The following PCDHGA10 variants were observed in gnomAD, a reference collection of about 807,000 sequenced individuals.
PCDHGA10 encodes protocadherin gamma-A10.
Under a neutral mutation model 59.5 loss-of-function variants are expected in PCDHGA10, and 42 were observed. The observed-to-expected ratio is 0.71, with a 90% confidence interval of 0.55 to 0.91. The LOEUF is 0.91. Ranked by LOEUF, PCDHGA10 falls within the 40% of genes least tolerant of loss-of-function variation. The pLI, the probability that PCDHGA10 is intolerant of heterozygous loss-of-function variation, is 0.00. For missense variants in PCDHGA10, 1,111 were observed against 1,198.2 expected, an observed-to-expected ratio of 0.93 and a Z score of 1.07; for synonymous variants, 511 against 517.2, an observed-to-expected ratio of 0.99 and a Z score of 0.16.
intron 1 of PCDHGA10, among the ~76,000 whole-genome samples, chr5:141,447,493 T>A (rs538320272): frequency 3.3e-5 from 5 of 152,186 alleles, no homozygotes; most frequent in East Asian, 1.9e-4. Flanking sequence ...AGAAGGAATG[T>A]TTAGGATAAA....
intron 1 of PCDHGA10, among the ~76,000 whole-genome samples, chr5:141,446,430 T>A (rs1468987045): frequency 6.6e-6 from 1 of 152,058 alleles, no homozygotes; most frequent in Non-Finnish European, 1.5e-5. Flanking sequence ...ATTTGAAGGA[T>A]CTGAGAAACA....
At position 141,489,786 on chromosome 5, in the gene PCDHGA10, G is replaced by A. The variant is rs758119518; in HGVS notation, c.2437-5021G>A. 8.7e-6 allele frequency: 14 copies of A among 1,614,194 alleles called. No individual in the cohort carries two copies. Among genetic ancestry groups the A allele is most frequent in the Non-Finnish European group, 1.2e-5 (14 of 1,180,014 alleles). ...CCAACAGCCACTTCTCTCTGAATGTGAAGACCCTAAAAGATGGGAAGCCAT... is the reference window on the plus strand; with the variant it reads ...CCAACAGCCACTTCTCTCTGAATGTAAAGACCCTAAAAGATGGGAAGCCAT... On this transcript the variant is annotated intron_variant, in intron 1 of 3. Transcript: ENST00000398610. This position sits in a 1 kb window ranked among gnomAD's most constrained non-coding sequence, Gnocchi z 4.5.
chr5:141,499,635 A>C (rs578081078), intron 2 of PCDHGA10, among the ~76,000 whole-genome samples: 16 of 152,136 alleles, frequency 1.1e-4, no homozygotes, highest in African/African-American at 3.6e-4. Context: ...CTTTTGAAGC[A>C]AATCTCAGAC....
intron 1 of PCDHGA10, chr5:141,421,236 TCGGCTACAG>T (rs761399164): frequency 3.8e-5 from 60 of 1,594,916 alleles, no homozygotes; most frequent in Non-Finnish European, 5.1e-5. Flanking sequence ...CCATGGCGAA[TCGGCTACAG>T]CGCGGGGACC....
At chr5:141,427,984 C>G (rs754620535) in intron 1 of PCDHGA10, 2 of 1,597,494 alleles carry the variant, frequency 1.3e-6, no homozygotes, top group South Asian at 2.2e-5. Flanking sequence ...GCGCTGGGGC[C>G]CGATGGCTCC....
chr5:141,494,198 C>T (rs1383940298), intron 1 of PCDHGA10, among the ~76,000 whole-genome samples: 8 of 152,158 alleles, frequency 5.3e-5, no homozygotes, highest in African/African-American at 1.7e-4. Context: ...TTGGATGCCC[C>T]GCAAAGGCCC....
At chr5:141,430,907 A>G (rs776543955) in intron 1 of PCDHGA10, 1 of 1,606,916 alleles carries the variant, frequency 6.2e-7, no homozygotes, top group Non-Finnish European at 8.5e-7. Flanking sequence ...CGACATCTCC[A>G]GGGACCTGGG....
In PCDHGA10 at chr5:141,423,562, A is replaced by G. The variant is rs374427537; in HGVS notation, c.2436+7951A>G. On this transcript the variant is annotated intron_variant, in intron 1 of 3. Coordinates refer to ENST00000398610, the MANE Select transcript of PCDHGA10 (RefSeq NM_018913.3). ...TTTCCCCCAGCCCAACTATGGGGAC[A>G]CGCTCATCAGCCAGGAGAGCTGTGA... is the stretch of plus-strand genomic sequence containing the variant. 7 of 1,613,498 alleles carry G rather than the reference A, an allele frequency of 4.3e-6. No homozygotes were observed. The African/African-American group carries it at 8.0e-5, about 18-fold the overall frequency.
intron 1 of PCDHGA10, chr5:141,417,121 G>C (rs2096086482): frequency 6.6e-6 from 1 of 152,110 alleles, no homozygotes; most frequent in Non-Finnish European, 1.5e-5. Context: ...GGACACCCTG[G>C]ATGATGGTAA....
At chr5:141,478,500 T>C (rs754881921) in intron 1 of PCDHGA10, 16 of 1,612,740 alleles carry the variant, frequency 9.9e-6, no homozygotes, top group Non-Finnish European at 1.4e-5. Context: ...TGTGATCCGG[T>C]GTTCTATAGG....
At chr5:141,461,185 C>T (rs2154567265) in intron 1 of PCDHGA10, among the ~76,000 whole-genome samples, 1 of 152,134 alleles carries the variant, frequency 6.6e-6, no homozygotes, top group East Asian at 1.9e-4. Context: ...AATGGTAGAT[C>T]TGTTTTTTGC....
intron 1 of PCDHGA10, among the ~76,000 whole-genome samples, chr5:141,482,988 G>A (rs982148755): frequency 2.6e-5 from 4 of 152,112 alleles, no homozygotes; most frequent in South Asian, 2.1e-4. Context: ...GAGAGGTCGA[G>A]GCAGGAGAAT....
In PCDHGA10 at chr5:141,489,456, G is replaced by A. The variant is rs1468723020; in HGVS notation, c.2437-5351G>A. The A allele has an allele frequency of 1.2e-6, 2 of 1,614,050 alleles. No homozygotes were observed. Among genetic ancestry groups the A allele is most frequent in the Non-Finnish European group, 1.7e-6 (2 of 1,180,016 alleles). ...TGCAATTGGGCTCTGAGGAGAATGG[G>A]CGCTATTTTTCCCTGAGCTTGATGA... On this transcript the variant is annotated intron_variant, in intron 1 of 3. Transcript: ENST00000398610. This position sits in a 1 kb window ranked among gnomAD's most constrained non-coding sequence, Gnocchi z 4.5.
In PCDHGA10 at chr5:141,432,039, G is replaced by A; in HGVS notation, c.2436+16428G>A. 1 of 1,614,176 alleles carries A rather than the reference G, an allele frequency of 6.2e-7. No individual in the cohort carries two copies. The highest frequency in any genetic ancestry group is 8.5e-7 in the Non-Finnish European group (1 of 1,180,028). ...AACATCACAGTGACCGCCACTGACC[G>A]GGGAACCCCGCCCCTATCCACGGAA... On this transcript the variant is annotated intron_variant, in intron 1 of 3. Coordinates refer to ENST00000398610, the MANE Select transcript of PCDHGA10 (RefSeq NM_018913.3). This position sits in a 1 kb window ranked among gnomAD's most constrained non-coding sequence, Gnocchi z 6.0.
At chr5:141,488,705 G>C (rs1024064135) in intron 1 of PCDHGA10, among the ~76,000 whole-genome samples, 8 of 152,200 alleles carry the variant, frequency 5.3e-5, no homozygotes, top group Non-Finnish European at 1.2e-4. Context: ...AGATTTTGCT[G>C]GTTCAAGCAA....
intron 1 of PCDHGA10, among the ~76,000 whole-genome samples, chr5:141,481,913 CAAAAAAAAA>C (rs34114744): frequency 1.1e-5 from 1 of 90,852 alleles, no homozygotes; most frequent in Non-Finnish European, 2.2e-5. Flanking sequence ...AACTCCATCT[CAAAAAAAAA>C]AAAAAAAAAA....
chr5:141,417,644 AG>A, intron 1 of PCDHGA10: 1 of 779,202 alleles, frequency 1.3e-6, no homozygotes, highest in South Asian at 2.1e-5. Flanking sequence ...GGGATCCCTC[AG>A]CCTCTAGCCT....
At position 141,432,119 on chromosome 5, in the gene PCDHGA10, C is replaced by T. The variant is rs1273427353; in HGVS notation, c.2436+16508C>T. On this transcript the variant is annotated intron_variant, in intron 1 of 3. Transcript: ENST00000398610. The surrounding 1 kb of genome is among the most constrained non-coding windows in gnomAD (Gnocchi z 6.0). ...CAACGACAACCCGCCGGTCTTCCCT[C>T]AGGCCTCCTATTCCGCTTATATCCC... is the stretch of plus-strand genomic sequence containing the variant. 7 of 1,614,184 alleles carry T rather than the reference C, an allele frequency of 4.3e-6. No homozygotes were observed. Among genetic ancestry groups the T allele is most frequent in the Non-Finnish European group, 5.9e-6 (7 of 1,180,032 alleles).
chr5:141,447,689 AG>A lies in PCDHGA10; in HGVS notation c.2436+32081del, dbSNP rs145694922. ...TTAGAACTGTTCCATATCTTGATAGAGGGATGGGTTATAAGGATGTACACAT... is the reference window on the plus strand; with the variant it reads ...TTAGAACTGTTCCATATCTTGATAGAGGATGGGTTATAAGGATGTACACAT... On this transcript the variant is annotated intron_variant, in intron 1 of 3. Coordinates refer to ENST00000398610, the MANE Select transcript of PCDHGA10 (RefSeq NM_018913.3). Among the ~76,000 whole-genome samples the A allele has an allele frequency of 4.6e-3, 694 of 152,302 alleles. 4 individuals are homozygous for A. The highest frequency in any genetic ancestry group is 0.015 in the African/African-American group (633 of 41,566).
Sources: allele counts gnomAD v4.1 joint callset (sites outside exome capture counted in the v4.1 genomes callset), GRCh38; gene constraint gnomAD v4.1.1; non-coding constraint Gnocchi (gnomAD v3.1); transcripts MANE v1.5; gene names NCBI Gene and HGNC (gene_info 2026-07-23, HGNC 2026-07-21).